Variants in SMIM14 observed in about 807,000 individuals in gnomAD.
The protein encoded by SMIM14 is small integral membrane protein 14.
In SMIM14, 5 loss-of-function variants were observed where a neutral mutation model predicts 12.6. That is an observed-to-expected ratio of 0.40 (90% CI 0.21 to 0.83). SMIM14 has a LOEUF of 0.83. SMIM14 is among the 40% of genes least tolerant of loss of function. The probability of loss-of-function intolerance (pLI) is 0.37; values close to 1 mark genes in which losing one functional copy is unlikely to be tolerated. For synonymous variants in SMIM14, 30 were observed against 40.1 expected, an observed-to-expected ratio of 0.75 and a Z score of 0.95; for missense variants, 86 against 119.1, an observed-to-expected ratio of 0.72 and a Z score of 1.29.
chr4:39,559,836 GC>G (rs1388066736), intron 3 of SMIM14, among the ~76,000 whole-genome samples: 1 of 152,112 alleles, frequency 6.6e-6, no homozygotes, highest in African/African-American at 2.4e-5. Flanking sequence ...AGCTAAACAG[GC>G]CGGGCGTGGC....
chr4:39,597,196 T>G (rs1241605408), intron 2 of SMIM14, among the ~76,000 whole-genome samples: 4 of 151,594 alleles, frequency 2.6e-5, no homozygotes, highest in African/African-American at 9.7e-5. Flanking sequence ...GATTTTTGGT[T>G]GTTGTGATTG....
intron 3 of SMIM14, among the ~76,000 whole-genome samples, chr4:39,565,337 C>CT (rs1178390646): frequency 3.3e-5 from 5 of 151,940 alleles, no homozygotes; most frequent in South Asian, 4.1e-4. Context: ...GAGGGCTTTT[C>CT]TTTTTTTTGG....
intron 2 of SMIM14, chr4:39,593,082 C>T (rs1344993463): frequency 6.6e-6 from 1 of 151,612 alleles, no homozygotes; most frequent in Middle Eastern, 3.2e-3. Flanking sequence ...ATACCAAAGC[C>T]GGGCAGAGAC....
chr4:39,561,674 C>T (rs1446449361), intron 3 of SMIM14, among the ~76,000 whole-genome samples: 1 of 152,130 alleles, frequency 6.6e-6, no homozygotes, highest in East Asian at 1.9e-4. Flanking sequence ...AGTCCCAGCA[C>T]TTTGGGAAGG....
At chr4:39,589,473 T>G (rs920412378) in intron 2 of SMIM14, 1 of 152,206 alleles carries the variant, frequency 6.6e-6, no homozygotes, top group Non-Finnish European at 1.5e-5. Flanking sequence ...AATTAAAACA[T>G]AAAAATGAAG....
chr4:39,637,881 G>T (rs185742605), intron 1 of SMIM14, among the ~76,000 whole-genome samples: 1 of 152,230 alleles, frequency 6.6e-6, no homozygotes, highest in Non-Finnish European at 1.5e-5. Flanking sequence ...AAACTGGAAG[G>T]TCTCTTCTGC....
intron 4 of SMIM14, among the ~76,000 whole-genome samples, chr4:39,553,478 A>T (rs1249273344): frequency 6.6e-6 from 1 of 152,218 alleles, no homozygotes; most frequent in Non-Finnish European, 1.5e-5. Context: ...AGTAAGAAAG[A>T]AGGCTAAGGA....
intron 1 of SMIM14, among the ~76,000 whole-genome samples, chr4:39,626,117 C>T (rs906629426): frequency 1.3e-5 from 2 of 152,072 alleles, no homozygotes; most frequent in African/African-American, 2.4e-5. Flanking sequence ...CGACTGCATG[C>T]GAGGGATCTA....
rs147925215 is a variant in SMIM14 at position 39,580,538 on chromosome 4, T to C, written c.76-8075A>G. Reference sequence around the variant, plus strand: ...CTCTGTTTCTTTCTTTCTTTTTTTTTTTAGATGGAGTCTCACTCTGTCACC... The same window carrying C: ...CTCTGTTTCTTTCTTTCTTTTTTTTCTTAGATGGAGTCTCACTCTGTCACC... On this transcript the variant is annotated intron_variant, in intron 2 of 4. Coordinates refer to ENST00000295958, the MANE Select transcript of SMIM14 (RefSeq NM_174921.3). Among the ~76,000 whole-genome samples the C allele has an allele frequency of 5.3e-5, 8 of 151,866 alleles. No homozygotes were observed. In the East Asian group the frequency reaches 7.7e-4, roughly 15 times the overall value.
intron 3 of SMIM14, among the ~76,000 whole-genome samples, chr4:39,557,938 G>C (rs1268124828): frequency 6.6e-6 from 1 of 152,106 alleles, no homozygotes; most frequent in Non-Finnish European, 1.5e-5. Flanking sequence ...GTTGAATTCA[G>C]ATCTAGATAT....
chr4:39,596,388 C>A (rs1224092989), intron 2 of SMIM14, among the ~76,000 whole-genome samples: 1 of 152,198 alleles, frequency 6.6e-6, no homozygotes, highest in East Asian at 1.9e-4. Context: ...AGCCACCGGG[C>A]CCGGCCGCAT....
intron 3 of SMIM14, among the ~76,000 whole-genome samples, chr4:39,569,746 A>G (rs925426145): frequency 4.0e-5 from 6 of 148,564 alleles, no homozygotes; most frequent in Non-Finnish European, 7.4e-5. Context: ...CAAAAAAAAA[A>G]GAAAAAAAGA....
At chr4:39,622,661 A>G (rs1306815580) in intron 1 of SMIM14, among the ~76,000 whole-genome samples, 4 of 152,180 alleles carry the variant, frequency 2.6e-5, no homozygotes. Flanking sequence ...CTGCCTCCCC[A>G]AGTGTTGGGA....
rs921777053 is a variant in SMIM14, at chr4:39,549,040, C to G, written c.*3086G>C. On this transcript the variant is annotated 3_prime_UTR_variant, in exon 5 of 5. Coordinates refer to ENST00000295958, the MANE Select transcript of SMIM14 (RefSeq NM_174921.3). ...CGAAACCCCATCTCTACTAAAGATA[C>G]AAAAATTAGCTGGGCGTGGTGGTGG... 2.0e-5 allele frequency: 3 copies of G among 152,064 alleles called. No homozygotes were observed. Among genetic ancestry groups the G allele is most frequent in the African/African-American group, 7.2e-5 (3 of 41,400 alleles). 9.4% of individuals were successfully genotyped at this position (152,064 alleles called of 1,614,324 possible).
At chr4:39,627,401 C>T (rs1715741368) in intron 1 of SMIM14, among the ~76,000 whole-genome samples, 1 of 152,164 alleles carries the variant, frequency 6.6e-6, no homozygotes, top group Non-Finnish European at 1.5e-5. Flanking sequence ...CATCATGGGA[C>T]AGCAGAAAGA....
At chr4:39,626,692 C>T (rs1161810001) in intron 1 of SMIM14, among the ~76,000 whole-genome samples, 2 of 152,154 alleles carry the variant, frequency 1.3e-5, no homozygotes, top group East Asian at 3.8e-4. Flanking sequence ...ATAAATGTTA[C>T]AAATTACCTT....
chr4:39,571,535 G>A (rs1003289396), intron 3 of SMIM14, among the ~76,000 whole-genome samples: 42 of 151,800 alleles, frequency 2.8e-4, no homozygotes, highest in African/African-American at 9.9e-4. Flanking sequence ...AGCCATGATC[G>A]CACAATTGCG....
At chr4:39,601,690 T>A (rs1424221864) in intron 2 of SMIM14, among the ~76,000 whole-genome samples, 1 of 152,186 alleles carries the variant, frequency 6.6e-6, no homozygotes, top group Non-Finnish European at 1.5e-5. Flanking sequence ...CTCATGCCTA[T>A]AATCCCAACA....
chr4:39,623,825 G>A (rs1196455814), intron 1 of SMIM14, among the ~76,000 whole-genome samples: 1 of 152,142 alleles, frequency 6.6e-6, no homozygotes, highest in Non-Finnish European at 1.5e-5. Flanking sequence ...TTGCACCACT[G>A]CACTCCAGCT....
Sources: gnomAD v4.1 joint callset for allele counts (sites outside exome capture counted in the v4.1 genomes callset) on GRCh38, gnomAD v4.1.1 for gene constraint, MANE v1.5 for transcripts, NCBI Gene and HGNC (gene_info 2026-07-23, HGNC 2026-07-21) for gene names.